ZNF236: variants seen among roughly 807,000 people sequenced by gnomAD.
The protein encoded by ZNF236 is zinc finger protein 236.
A neutral mutation model predicts 191.2 loss-of-function variants in ZNF236; 50 were observed. The observed-to-expected ratio is 0.26, with a 90% CI of 0.21 to 0.33. ZNF236 has a LOEUF of 0.33. Among genes scored for constraint, ZNF236 ranks in the 10% least tolerant of loss-of-function variants. ZNF236 has a pLI of 1.00. For missense variants in ZNF236, 1,754 were observed against 2,374.5 expected, an observed-to-expected ratio of 0.74 and a Z score of 5.43; for synonymous variants, 907 against 928.8, an observed-to-expected ratio of 0.98 and a Z score of 0.43.
Position 76,960,568 on chromosome 18 carries a change from G to A in ZNF236, c.5243-111G>A. On this transcript the variant is annotated intron_variant, in intron 29 of 30. Coordinates refer to ENST00000320610, the MANE Select transcript of ZNF236 (RefSeq NM_001306089.2). This position sits in a 1 kb window ranked among gnomAD's most constrained non-coding sequence, Gnocchi z 4.4. ...TGTTCAGATGACAGCCAGGCTGAAA[G>A]CCTAAAAGAAAAGAGGAACATTCAG... The A allele has an allele frequency of 2.2e-6, 3 of 1,377,116 alleles. No homozygotes were observed. The highest frequency in any genetic ancestry group is 3.0e-6 in the Non-Finnish European group (3 of 983,900). 85.3% of individuals were successfully genotyped at this position (1,377,116 alleles called of 1,614,324 possible).
chr18:76,937,325 A>G lies in ZNF236; in HGVS notation c.4764A>G (p.Thr1588=). 2 of 1,612,032 alleles carry G rather than the reference A, an allele frequency of 1.2e-6. No homozygotes were observed. The highest frequency in any genetic ancestry group is 1.7e-6 in the Non-Finnish European group (2 of 1,178,598). ...TATCTGGAGGCCTGGACACTGTCAC[A>G]CTCAACATCACCTCTCAGGCAAGTG... is the stretch of plus-strand genomic sequence containing the variant. ...GMLSGGLDTV[T]LNITSQGQQF... is the part of the protein sequence containing the mutation. Residue 1588 remains threonine, a synonymous_variant, in exon 26 of 31, where the codon ACA becomes ACG. Coordinates refer to ENST00000320610, the MANE Select transcript of ZNF236 (RefSeq NM_001306089.2).
At chr18:76,838,566 G>A (rs901489991) in intron 1 of ZNF236, among the ~76,000 whole-genome samples, 1 of 152,130 alleles carries the variant, frequency 6.6e-6, no homozygotes, top group African/African-American at 2.4e-5. Flanking sequence ...GGCTTTGTAG[G>A]TTGTACGGCC....
intron 22 of ZNF236, 145 bp from the exon 23 acceptor site, chr18:76,926,892 T>C: frequency 1.2e-6 from 1 of 866,622 alleles, no homozygotes; most frequent in East Asian, 2.7e-5. Context: ...TGGTATAAAG[T>C]AGGTGTTCGT....
rs79678295 is a variant in ZNF236, at chr18:76,858,220, T to C, written c.363+6281T>C. On this transcript the variant is annotated intron_variant, in intron 3 of 30. Transcript: ENST00000320610. ...TTATATCATTTATTCGTTTTCATAGTATGTAGCGATGGCATATTCACTTAA... is the reference window on the plus strand; with the variant it reads ...TTATATCATTTATTCGTTTTCATAGCATGTAGCGATGGCATATTCACTTAA... Among the ~76,000 whole-genome samples the C allele has an allele frequency of 7.1e-3, 1,085 of 152,328 alleles. 9 individuals are homozygous for C. Among genetic ancestry groups the C allele is most frequent in the African/African-American group, 0.025 (1,034 of 41,570 alleles).
intron 6 of ZNF236, among the ~76,000 whole-genome samples, chr18:76,876,071 A>G (rs1178531315): frequency 6.6e-6 from 1 of 152,254 alleles, no homozygotes; most frequent in Non-Finnish European, 1.5e-5. Context: ...TACAGAGCTC[A>G]TATGGTACAT....
chr18:76,846,185 C>T (rs764543447), intron 1 of ZNF236, among the ~76,000 whole-genome samples: 2 of 152,208 alleles, frequency 1.3e-5, no homozygotes, highest in Non-Finnish European at 2.9e-5. Context: ...CTACTGGCCT[C>T]AAGCAGTTCT....
chr18:76,881,386 G>A lies in ZNF236; in HGVS notation c.1291G>A (p.Val431Ile). ...TGCACCACACGCTCAAAACCCAGAT[G>A]TTTCCAGCGTTTCAAATGAGCAGAC... ...TSAPHAQNPD[V>I]SSVSNEQTDP... The change falls in exon 9 of 31, where the codon GTT becomes ATT. Residue 431 changes from valine (V) to isoleucine (I), a missense_variant. By Grantham distance (29) the Val-to-Ile change is conservative (BLOSUM62 3). Transcript: ENST00000320610. 1 of 1,614,008 alleles carries A rather than the reference G, an allele frequency of 6.2e-7. No individual in the cohort carries two copies.
Position 76,969,664 on chromosome 18 carries a change from T to C in ZNF236, c.*1325T>C, listed in dbSNP as rs1335046539. ...ATTGCCTTTATTTTCTCTCGTTGCCTCCTTGGTTTCAGAAGAGAGTAGTTT... is the reference window on the plus strand; with the variant it reads ...ATTGCCTTTATTTTCTCTCGTTGCCCCCTTGGTTTCAGAAGAGAGTAGTTT... On this transcript the variant is annotated 3_prime_UTR_variant, in exon 31 of 31. Coordinates refer to ENST00000320610, the MANE Select transcript of ZNF236 (RefSeq NM_001306089.2). 1 of 152,620 alleles carries C rather than the reference T, an allele frequency of 6.6e-6. No individual in the cohort carries two copies. Among genetic ancestry groups the C allele is most frequent in the Non-Finnish European group, 1.5e-5 (1 of 68,042 alleles). The allele number at this position is 152,620 out of a possible 1,614,324, so 9.5% of individuals were successfully genotyped here.
intron 2 of ZNF236, among the ~76,000 whole-genome samples, chr18:76,851,044 A>G (rs1041329889): frequency 7.2e-5 from 10 of 138,182 alleles, no homozygotes; most frequent in African/African-American, 2.3e-4. Flanking sequence ...TTTTTTTAAA[A>G]AAAAGCTTCA....
chr18:76,893,353 A>G (rs917934581), intron 9 of ZNF236, among the ~76,000 whole-genome samples: 2 of 152,200 alleles, frequency 1.3e-5, no homozygotes, highest in African/African-American at 4.8e-5. Flanking sequence ...CACTATCACC[A>G]CAAAACAAAT....
chr18:76,939,427 T>C (rs571454049), intron 26 of ZNF236, among the ~76,000 whole-genome samples: 1 of 152,274 alleles, frequency 6.6e-6, no homozygotes, highest in African/African-American at 2.4e-5. Flanking sequence ...ATGATTATGG[T>C]GGACCAGCCA....
intron 1 of ZNF236, among the ~76,000 whole-genome samples, chr18:76,828,144 T>C (rs372925237): frequency 1.1e-4 from 17 of 151,686 alleles, no homozygotes; most frequent in African/African-American, 3.9e-4. Flanking sequence ...ACCACCAGTG[T>C]AAGCTAGGGG....
chr18:76,884,876 C>T (rs1252182257), intron 9 of ZNF236: 1 of 152,178 alleles, frequency 6.6e-6, no homozygotes, highest in African/African-American at 2.4e-5. Context: ...AAGCTAAGTG[C>T]AGGTAGCCTT....
chr18:76,936,036 T>C (rs1357263958), intron 25 of ZNF236: 4 of 452,380 alleles, frequency 8.8e-6, no homozygotes, highest in Non-Finnish European at 1.8e-5. Flanking sequence ...TGTGGAGGCA[T>C]TGTATTTGGA....
rs1276043519 is a variant in ZNF236 at position 76,905,071 on chromosome 18, G to A, written c.2037-84G>A. ...TTAAAAAATGTGATGATGAAGTGAA[G>A]CGAAATGCAAGAGTGCATTCTAGTC... On this transcript the variant is annotated intron_variant, in intron 12 of 30. Coordinates refer to ENST00000320610, the MANE Select transcript of ZNF236 (RefSeq NM_001306089.2). 11 of 1,341,712 alleles carry A rather than the reference G, an allele frequency of 8.2e-6. No individual in the cohort carries two copies. In the Admixed American group the frequency reaches 2.7e-4, roughly 33 times the overall value. The allele number at this position is 1,341,712 out of a possible 1,614,324, so 83.1% of individuals were successfully genotyped here. A position where few individuals can be genotyped will look rare whatever the true frequency, so the allele number is the denominator to read the frequency against.
rs773376347 is a variant in ZNF236, at chr18:76,908,510, G to A, written c.2488G>A (p.Val830Met). The A allele has an allele frequency of 6.2e-7, 1 of 1,613,924 alleles. No homozygotes were observed. Among genetic ancestry groups the A allele is most frequent in the South Asian group, 1.1e-5 (1 of 91,078 alleles). Reference protein sequence around the residue: ...AMLDLEPQHVVGTEEAGLGQQ... With the variant: ...AMLDLEPQHVMGTEEAGLGQQ... ...GCTGGACCTGGAGCCTCAGCATGTG[G>A]TGGGCACGGAGGAAGCAGGGCTGGG... is the stretch of plus-strand genomic sequence containing the variant. The change falls in exon 14 of 31, where the codon GTG becomes ATG. Residue 830 changes from valine to methionine, a missense_variant. Physicochemically the swap from Val to Met is conservative, Grantham distance 21 (BLOSUM62 1). Transcript: ENST00000320610.
intron 25 of ZNF236, chr18:76,936,243 G>C (rs1206429298): frequency 6.7e-6 from 3 of 446,510 alleles, no homozygotes; most frequent in East Asian, 7.0e-5. Context: ...TGGCACAGTG[G>C]CTGGCACAAG....
At chr18:76,860,821 T>C (rs184875500) in intron 3 of ZNF236, among the ~76,000 whole-genome samples, 43 of 152,370 alleles carry the variant, frequency 2.8e-4, no homozygotes, top group Non-Finnish European at 3.4e-4. Flanking sequence ...TTTACATTTC[T>C]ATTACTACTC....
intron 1 of ZNF236, among the ~76,000 whole-genome samples, chr18:76,844,400 A>G (rs191105019): frequency 1.3e-5 from 2 of 152,244 alleles, no homozygotes; most frequent in East Asian, 3.9e-4. Context: ...GTGCCTGGCC[A>G]GGGGGCTGTT....
Sources: allele counts gnomAD v4.1 joint callset (sites outside exome capture counted in the v4.1 genomes callset), GRCh38; gene constraint gnomAD v4.1.1; non-coding constraint Gnocchi (gnomAD v3.1); transcripts MANE v1.5; gene names NCBI Gene and HGNC (gene_info 2026-07-23, HGNC 2026-07-21).